The following NCKAP1L variants were observed in gnomAD, a reference collection of about 807,000 sequenced individuals.
The protein encoded by NCKAP1L is NCK associated protein 1 like, also known as nck-associated protein 1-like.
In NCKAP1L, 53 loss-of-function variants were observed where a neutral mutation model predicts 139.2. That is an observed-to-expected ratio of 0.38 (90% CI 0.31 to 0.48). The LOEUF is 0.48. NCKAP1L is among the 20% of genes least tolerant of loss of function. The pLI is 0.98. For synonymous variants in NCKAP1L, 468 were observed against 499.7 expected (o/e 0.94, Z 0.85); for missense variants, 1,151 against 1,381.9 (o/e 0.83, Z 2.65).
At chr12:54,531,115 G>C in intron 22 of NCKAP1L, 145 bp from the exon 23 acceptor site, 2 of 660,460 alleles carry the variant, frequency 3.0e-6, no homozygotes, top group Non-Finnish European at 5.2e-6. Context: ...TTGAATGTAG[G>C]ATTTTAGGCT....
chr12:54,511,379 C>A (rs1267609654), intron 7 of NCKAP1L, among the ~76,000 whole-genome samples: 1 of 152,148 alleles, frequency 6.6e-6, no homozygotes, highest in Admixed American at 6.5e-5. Flanking sequence ...TCAATGTGCC[C>A]TAAACTAGTC....
At position 54,518,403 on chromosome 12, in the gene NCKAP1L, A is replaced by C. The variant is rs543411496; in HGVS notation, c.1339-248A>C. Among the ~76,000 whole-genome samples the C allele has an allele frequency of 1.4e-4, 21 of 152,268 alleles. No individual in the cohort carries two copies. In the South Asian group the frequency reaches 3.3e-3, roughly 24 times the overall value. On this transcript the variant is annotated intron_variant, in intron 13 of 30. Coordinates refer to ENST00000293373, the MANE Select transcript of NCKAP1L (RefSeq NM_005337.5). Reference sequence around the variant, plus strand: ...TTAAAAGAAAAAGAAAGGACTAATAATCTCAGCCGTCTTTTTTTCCCCACT... The same window carrying C: ...TTAAAAGAAAAAGAAAGGACTAATACTCTCAGCCGTCTTTTTTTCCCCACT...
chr12:54,524,033 G>A, intron 20 of NCKAP1L, 77 bp downstream of exon 20: 2 of 1,472,868 alleles, frequency 1.4e-6, no homozygotes, highest in Non-Finnish European at 1.8e-6. Flanking sequence ...TAGTATGGTG[G>A]TCCTCAAAGT....
chr12:54,525,091 G>T (rs1015589855), intron 20 of NCKAP1L, among the ~76,000 whole-genome samples: 3 of 152,206 alleles, frequency 2.0e-5, no homozygotes, highest in Admixed American at 2.0e-4. Flanking sequence ...GAGACTGGTA[G>T]GATGTAAGGT....
chr12:54,512,547 T>A (rs1437495449), intron 9 of NCKAP1L: 1 of 155,616 alleles, frequency 6.4e-6, no homozygotes, highest in Non-Finnish European at 1.4e-5. Flanking sequence ...GTAAGTGCTA[T>A]GTGCTTGTTA....
chr12:54,519,109 G>T, intron 15 of NCKAP1L, 78 bp from the exon 16 acceptor site: 1 of 1,565,974 alleles, frequency 6.4e-7, no homozygotes, highest in Non-Finnish European at 8.7e-7. Context: ...ACATACTCAG[G>T]CCAAACTGTA....
rs756192623 is a variant in NCKAP1L at position 54,531,745 on chromosome 12, G to C, written c.2701G>C (p.Ala901Pro). The change falls in exon 25 of 31, where the codon GCT becomes CCT. Residue 901 changes from alanine to proline, a missense_variant and splice_region_variant. By Grantham distance (27) the Ala-to-Pro change is conservative. Transcript: ENST00000293373. ...CTAACACGCTTCTTTCTCCTCAGGG[G>C]CTGAAAATGTGCTAAAGCGCATGAC... ...MASLLPQLTG[A>P]ENVLKRMTII... 1 of 1,611,018 alleles carries C rather than the reference G, an allele frequency of 6.2e-7. No homozygotes were observed. Among genetic ancestry groups the C allele is most frequent in the South Asian group, 1.1e-5 (1 of 91,056 alleles).
At chr12:54,508,279 A>G in intron 4 of NCKAP1L, 110 bp from the exon 5 acceptor site, 1 of 1,141,146 alleles carries the variant, frequency 8.8e-7, no homozygotes, top group Non-Finnish European at 1.3e-6. Context: ...CCTACTTCTA[A>G]ATAGATTCAC....
At chr12:54,529,739 C>T (rs1039439850) in intron 22 of NCKAP1L, among the ~76,000 whole-genome samples, 4 of 152,146 alleles carry the variant, frequency 2.6e-5, no homozygotes, top group Admixed American at 1.3e-4. Flanking sequence ...AATGCTGATT[C>T]CCCCTTCTAC....
chr12:54,502,118 C>T (rs1039919421), intron 3 of NCKAP1L, among the ~76,000 whole-genome samples: 1 of 152,122 alleles, frequency 6.6e-6, no homozygotes, highest in African/African-American at 2.4e-5. Flanking sequence ...GTTCTCTATA[C>T]AGGTTGAGTA....
rs561604592 is a variant in NCKAP1L at position 54,525,641 on chromosome 12, C to A, written c.2157-887C>A. The stretch of plus-strand genomic sequence containing the variant: ...TTAACTCTAAATTAGATCAGTCTTG[C>A]CCTTAGTCTGTCCCTTCTGTATTAT... On this transcript the variant is annotated intron_variant, in intron 20 of 30. Transcript: ENST00000293373. 8.7e-5 allele frequency among the ~76,000 whole-genome samples: 13 copies of A among 149,554 alleles called. No individual in the cohort carries two copies. The South Asian group carries it at 2.7e-3, about 31-fold the overall frequency.
At chr12:54,537,848 A>G (rs1957124592) in intron 29 of NCKAP1L, among the ~76,000 whole-genome samples, 1 of 152,148 alleles carries the variant, frequency 6.6e-6, no homozygotes, top group Admixed American at 6.5e-5. Flanking sequence ...TGTAGGTCAT[A>G]TCCAATTTCT....
chr12:54,532,233 C>T lies in NCKAP1L; in HGVS notation c.2845C>T (p.Pro949Ser), dbSNP rs1225705536. 1.9e-6 allele frequency: 3 copies of T among 1,613,026 alleles called. No individual in the cohort carries two copies. Among genetic ancestry groups the T allele is most frequent in the Admixed American group, 3.3e-5 (2 of 59,924 alleles). ...PIECLKEFVT[P>S]DTDIKVTLSI... is the part of the protein sequence containing the mutation. Reference sequence around the variant, plus strand: ...TGAGTGCTTGAAGGAGTTTGTCACTCCAGACACAGACATCAAGGTATGGAG... The same window carrying T: ...TGAGTGCTTGAAGGAGTTTGTCACTTCAGACACAGACATCAAGGTATGGAG... Residue 949 changes from proline (P) to serine (S), a missense_variant, in exon 26 of 31, where the codon CCA becomes TCA. Transcript: ENST00000293373.
chr12:54,528,812 T>G (rs903569753), intron 22 of NCKAP1L, among the ~76,000 whole-genome samples: 1 of 151,718 alleles, frequency 6.6e-6, no homozygotes, highest in Non-Finnish European at 1.5e-5. Context: ...TATATATATA[T>G]TTTTAGTAGA....
intron 30 of NCKAP1L, 22 bp downstream of exon 30, chr12:54,538,995 G>A: frequency 6.2e-7 from 1 of 1,606,884 alleles, no homozygotes; most frequent in South Asian, 1.1e-5. Flanking sequence ...ATTTAAATTG[G>A]TGTGAGAATA....
intron 29 of NCKAP1L, among the ~76,000 whole-genome samples, chr12:54,537,897 C>T (rs1592354072): frequency 6.6e-6 from 1 of 152,246 alleles, no homozygotes; most frequent in South Asian, 2.1e-4. Flanking sequence ...AATTTGACTT[C>T]CTGTAACTCT....
chr12:54,542,651 A>G lies in NCKAP1L; in HGVS notation c.3350A>G (p.Tyr1117Cys). The change falls in exon 31 of 31, where the codon TAT (tyrosine) becomes TGT (cysteine). Residue 1117 changes from tyrosine (Y) to cysteine (C), a missense_variant. Transcript: ENST00000293373. Reference sequence around the variant, plus strand: ...CCTTATGTCCTGCTTCGAAATGCCTATCGGGAGGTGTCTCGGGCCTTCCAC... The same window carrying G: ...CCTTATGTCCTGCTTCGAAATGCCTGTCGGGAGGTGTCTCGGGCCTTCCAC... ...CFPYVLLRNA[Y>C]REVSRAFHLN 1 of 1,613,864 alleles carries G rather than the reference A, an allele frequency of 6.2e-7. No homozygotes were observed. The highest frequency in any genetic ancestry group is 8.5e-7 in the Non-Finnish European group (1 of 1,179,930).
chr12:54,545,192 T>C lies in NCKAP1L; in HGVS notation c.*2507T>C, dbSNP rs1295950638. On this transcript the variant is annotated 3_prime_UTR_variant, in exon 31 of 31. Coordinates refer to ENST00000293373, the MANE Select transcript of NCKAP1L (RefSeq NM_005337.5). Reference sequence around the variant, plus strand: ...CATTTGATATATCTTTTTGTAAACATATAATTATACACACATATTTCTCTA... The same window carrying C: ...CATTTGATATATCTTTTTGTAAACACATAATTATACACACATATTTCTCTA... 6.6e-6 allele frequency: 1 copy of C among 152,220 alleles called. No homozygotes were observed. The highest frequency in any genetic ancestry group is 1.5e-5 in the Non-Finnish European group (1 of 68,046). The allele number at this position is 152,220 out of a possible 1,614,324, so 9.4% of individuals were successfully genotyped here. A position where few individuals can be genotyped will look rare whatever the true frequency, so the allele number is the denominator to read the frequency against.
At chr12:54,519,367 T>G (rs781364302) in intron 16 of NCKAP1L, 35 bp downstream of exon 16, 1 of 1,411,986 alleles carries the variant, frequency 7.1e-7, no homozygotes, top group Non-Finnish European at 9.3e-7. Context: ...TTAAAAAGTT[T>G]TATTGTTTCC....
Sources: gnomAD v4.1 joint callset for allele counts (sites outside exome capture counted in the v4.1 genomes callset) on GRCh38, gnomAD v4.1.1 for gene constraint, MANE v1.5 for transcripts, NCBI Gene and HGNC (gene_info 2026-07-23, HGNC 2026-07-21) for gene names.